The following PCDHGB3 variants were observed in gnomAD, a reference collection of about 807,000 sequenced individuals.
PCDHGB3 encodes protocadherin gamma-B3.
Under a neutral mutation model 59.2 loss-of-function variants are expected in PCDHGB3, and 40 were observed. That is an observed-to-expected ratio of 0.68 (90% confidence interval 0.52 to 0.88). PCDHGB3 has a LOEUF of 0.88. Ranked by LOEUF, PCDHGB3 falls within the 40% of genes least tolerant of loss-of-function variation. The pLI is 0.00. For synonymous variants in PCDHGB3, 581 were observed against 503.6 expected (o/e 1.15, Z -2.06); for missense variants, 1,309 against 1,187.9 (o/e 1.10, Z -1.50).
chr5:141,380,065 A>G (rs569464120), intron 1 of PCDHGB3, among the ~76,000 whole-genome samples: 1 of 151,950 alleles, frequency 6.6e-6, no homozygotes, highest in East Asian at 1.9e-4. Context: ...ATGCCTAGCT[A>G]ATTTTCATAC....
intron 1 of PCDHGB3, chr5:141,389,177 C>G: frequency 1.2e-6 from 2 of 1,614,052 alleles, no homozygotes; most frequent in Non-Finnish European, 1.7e-6. Flanking sequence ...CTCCCCTCTC[C>G]TCCAGTTCCA....
At chr5:141,428,407 T>C in intron 1 of PCDHGB3, 1 of 470,350 alleles carries the variant, frequency 2.1e-6, no homozygotes, top group South Asian at 2.0e-5. Context: ...CTGGGGTTGC[T>C]TTCACCCTGG....
chr5:141,491,109 A>G lies in PCDHGB3; in HGVS notation c.2416-3698A>G, dbSNP rs1039906987. 4.3e-6 allele frequency: 7 copies of G among 1,614,074 alleles called. No individual in the cohort carries two copies. The African/African-American group carries it at 9.3e-5, about 22-fold the overall frequency. ...CCCCAGGACTGTTCCTCGTGTCTAC[A>G]CACACTGGTGAGGTGCGCACAGCCC... On this transcript the variant is annotated intron_variant, in intron 1 of 3. Coordinates refer to ENST00000576222, the MANE Select transcript of PCDHGB3 (RefSeq NM_018924.5). The surrounding 1 kb of genome is among the most constrained non-coding windows in gnomAD (Gnocchi z 6.9).
At chr5:141,407,980 C>G in intron 1 of PCDHGB3, 1 of 760,358 alleles carries the variant, frequency 1.3e-6, no homozygotes, top group Non-Finnish European at 2.0e-6. Flanking sequence ...CGCCGGGGAT[C>G]CGTCAGCCTC....
chr5:141,388,397 A>C, intron 1 of PCDHGB3: 1 of 1,613,956 alleles, frequency 6.2e-7, no homozygotes, highest in Non-Finnish European at 8.5e-7. Context: ...AGAATTACCA[A>C]CTCAGTCCCA....
intron 1 of PCDHGB3, among the ~76,000 whole-genome samples, chr5:141,475,520 C>T (rs2099364531): frequency 6.6e-6 from 1 of 152,204 alleles, no homozygotes; most frequent in Non-Finnish European, 1.5e-5. Context: ...CACGGAAATG[C>T]TAAATGCCTC....
chr5:141,378,083 A>G (rs1774605949), intron 1 of PCDHGB3: 2 of 152,174 alleles, frequency 1.3e-5, no homozygotes, highest in South Asian at 4.1e-4. Context: ...TAATTTTATA[A>G]CTTTTTTTCA....
In PCDHGB3 at chr5:141,372,087, C is replaced by T; in HGVS notation, c.1693C>T (p.Pro565Ser). ...RNDNAPLVLY[P>S]ALGPEGSALF... ...CGACAATGCACCGCTGGTGCTGTACCCAGCTCTGGGGCCCGAAGGCTCTGC... is the reference window on the plus strand; with the variant it reads ...CGACAATGCACCGCTGGTGCTGTACTCAGCTCTGGGGCCCGAAGGCTCTGC... The change falls in exon 1 of 4, where the codon CCA becomes TCA. Residue 565 changes from proline (P) to serine (S), a missense_variant. Transcript: ENST00000576222. The T allele has an allele frequency of 6.2e-7, 1 of 1,613,740 alleles. No individual in the cohort carries two copies. The highest frequency in any genetic ancestry group is 1.1e-5 in the South Asian group (1 of 91,076).
Position 141,372,663 on chromosome 5 carries a change from G to A in PCDHGB3, c.2269G>A (p.Ala757Thr), listed in dbSNP as rs971560361. 2.5e-6 allele frequency: 4 copies of A among 1,613,876 alleles called. No homozygotes were observed. In the African/African-American group the frequency reaches 5.3e-5, roughly 22 times the overall value. Residue 757 changes from alanine to threonine, a missense_variant, in exon 1 of 4, where the codon GCC becomes ACC. Physicochemically the swap from Ala to Thr is moderately conservative, Grantham distance 58. Coordinates refer to ENST00000576222, the MANE Select transcript of PCDHGB3 (RefSeq NM_018924.5). ...GCCTTATTCCTACAATCCGTGTGCT[G>A]CCTCACATTCCTCAAACACCGAGTT... ...TLPYSYNPCA[A>T]SHSSNTEFKF...
intron 1 of PCDHGB3, chr5:141,395,403 A>G: frequency 2.4e-6 from 2 of 849,494 alleles, no homozygotes; most frequent in East Asian, 2.8e-5. Flanking sequence ...TCTAATAGTC[A>G]TAGGTTATTG....
At chr5:141,399,675 T>C (rs753709757) in intron 1 of PCDHGB3, 3 of 1,613,618 alleles carry the variant, frequency 1.9e-6, no homozygotes, top group South Asian at 2.2e-5. Context: ...AGCGCGCCTT[T>C]GACTACGAGC....
In PCDHGB3 at chr5:141,510,272, T is replaced by TAAA. The variant is rs546154379; in HGVS notation, c.2564-658_2564-656dup. 1.5e-3 allele frequency among the ~76,000 whole-genome samples: 198 copies of TAAA among 130,372 alleles called. 1 individual carries two copies. Among genetic ancestry groups the TAAA allele is most frequent in the Non-Finnish European group, 2.8e-3 (172 of 61,058 alleles). The allele number at this position is 130,372 out of a possible 152,430, so 85.5% of individuals were successfully genotyped here. ...TGGGCGACAGAGCAGGACTCCATCTTAAAAAAAAAAAAAAAAAAATGCTGT... is the reference window on the plus strand; with the variant it reads ...TGGGCGACAGAGCAGGACTCCATCTTAAAAAAAAAAAAAAAAAAAAAATGCTGT... On this transcript the variant is annotated intron_variant, in intron 3 of 3. Coordinates refer to ENST00000576222, the MANE Select transcript of PCDHGB3 (RefSeq NM_018924.5).
At position 141,432,999 on chromosome 5, in the gene PCDHGB3, A is replaced by G. The variant is rs745921704; in HGVS notation, c.2415+60190A>G. The G allele has an allele frequency of 1.1e-5, 17 of 1,614,046 alleles. No individual in the cohort carries two copies. Among genetic ancestry groups the G allele is most frequent in the East Asian group, 4.5e-5 (2 of 44,862 alleles). On this transcript the variant is annotated intron_variant, in intron 1 of 3. Coordinates refer to ENST00000576222, the MANE Select transcript of PCDHGB3 (RefSeq NM_018924.5). This position sits in a 1 kb window ranked among gnomAD's most constrained non-coding sequence, Gnocchi z 6.0. ...CACTTTGTGGGCGTGGACGGGGTGC[A>G]GGCTTTCCTGCAGACCTATTCCCAC...
rs1481476869 is a variant in PCDHGB3, at chr5:141,371,332, A to T, written c.938A>T (p.Asp313Val). Reference protein sequence around the residue: ...TIGELDFEERDSYTIGVEAKD... With the variant: ...TIGELDFEERVSYTIGVEAKD... ...GGAGAACTGGACTTTGAAGAGAGAG[A>T]TAGCTACACAATTGGGGTGGAAGCA... The change falls in exon 1 of 4, where the codon GAT (aspartate) becomes GTT (valine). Residue 313 changes from aspartate to valine, a missense_variant. By Grantham distance (152) the Asp-to-Val change is radical. Coordinates refer to ENST00000576222, the MANE Select transcript of PCDHGB3 (RefSeq NM_018924.5). 1 of 1,613,988 alleles carries T rather than the reference A, an allele frequency of 6.2e-7. No homozygotes were observed. The highest frequency in any genetic ancestry group is 1.1e-5 in the South Asian group (1 of 91,080).
intron 1 of PCDHGB3, among the ~76,000 whole-genome samples, chr5:141,453,518 C>G (rs1347368114): frequency 6.6e-6 from 1 of 152,114 alleles, no homozygotes; most frequent in African/African-American, 2.4e-5. Context: ...CATTCCTCCC[C>G]TATACCTTCT....
chr5:141,510,802 C>T (rs1358684730), intron 3 of PCDHGB3, 145 bp from the exon 4 acceptor site: 1 of 1,497,192 alleles, frequency 6.7e-7, no homozygotes, highest in African/African-American at 1.4e-5. Context: ...AGAGAGACTA[C>T]CTTGGTGACC....
chr5:141,469,283 T>C (rs576231993), intron 1 of PCDHGB3, among the ~76,000 whole-genome samples: 1 of 149,898 alleles, frequency 6.7e-6, no homozygotes, highest in African/African-American at 2.5e-5. Flanking sequence ...TCTCAAAAAA[T>C]AAAACAAAAT....
Position 141,372,646 on chromosome 5 carries a change from C to A in PCDHGB3, c.2252C>A (p.Ser751Tyr). 2 of 1,614,008 alleles carry A rather than the reference C, an allele frequency of 1.2e-6. No individual in the cohort carries two copies. The highest frequency in any genetic ancestry group is 1.7e-6 in the Non-Finnish European group (2 of 1,179,876). Residue 751 changes from serine (S) to tyrosine (Y), a missense_variant, in exon 1 of 4, where the codon TCC becomes TAC. Physicochemically the swap from Ser to Tyr is moderately radical, Grantham distance 144 (BLOSUM62 -2). Transcript: ENST00000576222. ...PTYSERTLPY[S>Y]YNPCAASHSS... The stretch of plus-strand genomic sequence containing the variant: ...TACAGCGAAAGGACTTTGCCTTATT[C>A]CTACAATCCGTGTGCTGCCTCACAT...
Position 141,372,784 on chromosome 5 carries a change from C to T in PCDHGB3, c.2390C>T (p.Pro797Leu). Reference sequence around the variant, plus strand: ...GAAAGTAATGACAATCCAGAAATGCCTTCTAATTCAGGCAATTTGCAAAAG... The same window carrying T: ...GAAAGTAATGACAATCCAGAAATGCTTTCTAATTCAGGCAATTTGCAAAAG... ...WFESNDNPEM[P>L]SNSGNLQKQA... is the part of the protein sequence containing the mutation. Residue 797 changes from proline (P) to leucine (L), a missense_variant, in exon 1 of 4, where the codon CCT becomes CTT. Physicochemically the swap from Pro to Leu is moderately conservative, Grantham distance 98 (BLOSUM62 -3). Coordinates refer to ENST00000576222, the MANE Select transcript of PCDHGB3 (RefSeq NM_018924.5). The T allele has an allele frequency of 1.9e-6, 3 of 1,606,556 alleles. No homozygotes were observed. In the South Asian group the frequency reaches 3.3e-5, roughly 18 times the overall value.
Sources: gnomAD v4.1 joint callset for allele counts (sites outside exome capture counted in the v4.1 genomes callset) on GRCh38, gnomAD v4.1.1 for gene constraint, Gnocchi (gnomAD v3.1) non-coding constraint, MANE v1.5 for transcripts, NCBI Gene and HGNC (gene_info 2026-07-23, HGNC 2026-07-21) for gene names.